The following FECH variants were observed in gnomAD, a reference collection of about 807,000 sequenced individuals.
FECH encodes the protein ferrochelatase, mitochondrial.
FECH carries 40 observed loss-of-function variants against 56.9 expected under a neutral mutation model. The observed-to-expected ratio is 0.70, with a 90% CI of 0.55 to 0.92. The LOEUF is 0.92. Ranked by LOEUF, FECH falls within the 40% of genes least tolerant of loss-of-function variation. FECH has a pLI of 0.00. For synonymous variants in FECH, 175 were observed against 198.6 expected, an observed-to-expected ratio of 0.88 and a Z score of 1.00; for missense variants, 431 against 529.1, an observed-to-expected ratio of 0.81 and a Z score of 1.82.
intron 6 of FECH, among the ~76,000 whole-genome samples, chr18:57,560,129 C>T (rs951535865): frequency 3.9e-5 from 6 of 152,092 alleles, no homozygotes; most frequent in Admixed American, 2.6e-4. Context: ...TAAATATTGA[C>T]GTTAAATTTA....
At chr18:57,586,417 T>G (rs2051374824) in intron 1 of FECH, 137 bp downstream of exon 1, 9 of 962,190 alleles carry the variant, frequency 9.4e-6, no homozygotes, top group Non-Finnish European at 1.3e-5. Flanking sequence ...GCGACGCCCC[T>G]CGCCCGGTTG....
Position 57,580,133 on chromosome 18 carries a change from A to G in FECH, c.134T>C (p.Val45Ala), listed in dbSNP as rs924050640. 3.3e-5 allele frequency: 54 copies of G among 1,613,984 alleles called. No homozygotes were observed. Among genetic ancestry groups the G allele is most frequent in the Non-Finnish European group, 4.6e-5 (54 of 1,180,032 alleles). The change falls in exon 2 of 11, where the codon GTC becomes GCC. Residue 45 changes from valine to alanine, a missense_variant. Val to Ala is a moderately conservative substitution (Grantham distance 64, BLOSUM62 0). Transcript: ENST00000262093. The stretch of plus-strand genomic sequence containing the variant: ...GGCATGCTGGGCTGTTTCTGTGGTG[A>G]CGGCCGCTGCAGCTGCACCTGACTT... ...RWKSGAAAAA[V>A]TTETAQHAQG...
intron 1 of FECH, 73 bp from the exon 2 acceptor site, chr18:57,580,272 T>C: frequency 8.3e-6 from 13 of 1,565,322 alleles, no homozygotes; most frequent in Non-Finnish European, 1.1e-5. Flanking sequence ...CCTCAGAGCA[T>C]AATTCCTGAC....
chr18:57,584,205 C>G (rs1036148433), intron 1 of FECH, among the ~76,000 whole-genome samples: 6 of 148,206 alleles, frequency 4.0e-5, no homozygotes, highest in African/African-American at 1.2e-4. Flanking sequence ...GAAAACAAAA[C>G]TTCATAACTC....
chr18:57,579,313 G>GTGTGTGTGTGTGTGTGTGTA (rs531089366), intron 2 of FECH, among the ~76,000 whole-genome samples: 21 of 143,846 alleles, frequency 1.5e-4, no homozygotes, highest in African/African-American at 4.7e-4. Context: ...GTGTGTGTGT[G>GTGTGTGTGTGTGTGTGTGTA]TATATATTCA....
rs572479217 is a variant in FECH, at chr18:57,570,997, A to G, written c.463+395T>C. Among the ~76,000 whole-genome samples the G allele has an allele frequency of 3.3e-5, 5 of 152,366 alleles. No individual in the cohort carries two copies. The East Asian group carries it at 9.6e-4, about 29-fold the overall frequency. On this transcript the variant is annotated intron_variant, in intron 4 of 10. Coordinates refer to ENST00000262093, the MANE Select transcript of FECH (RefSeq NM_000140.5). ...TAATACTGCTCTAAATATTCTAATC[A>G]GCTATCCAACCAGAAAGAAAAGGCA...
In FECH at chr18:57,554,320, A is replaced by T. The variant is rs766556166; in HGVS notation, c.1017T>A (p.Ser339Arg). Residue 339 changes from serine to arginine, a missense_variant, in exon 9 of 11, where the codon AGT (serine) becomes AGA (arginine). By Grantham distance (110) the Ser-to-Arg change is moderately radical (BLOSUM62 -1). Coordinates refer to ENST00000262093, the MANE Select transcript of FECH (RefSeq NM_000140.5). ...GCTCATACAGCGTTTCAATATGGTC[A>T]CTGGTAAATGCTATCGGAACCAAGA... ...NILLVPIAFTSDHIETLYELD... is the reference protein window; with the variant it reads ...NILLVPIAFTRDHIETLYELD... The T allele has an allele frequency of 1.2e-6, 2 of 1,614,110 alleles. No individual in the cohort carries two copies. Among genetic ancestry groups the T allele is most frequent in the Non-Finnish European group, 1.7e-6 (2 of 1,180,032 alleles).
At chr18:57,581,002 T>C (rs1443960577) in intron 1 of FECH, among the ~76,000 whole-genome samples, 1 of 152,096 alleles carries the variant, frequency 6.6e-6, no homozygotes, top group Non-Finnish European at 1.5e-5. Flanking sequence ...GAACTGGGCA[T>C]GAAGACCAGA....
chr18:57,571,997 C>A lies in FECH; in HGVS notation c.315-457G>T, dbSNP rs370096148. Among the ~76,000 whole-genome samples the A allele has an allele frequency of 4.6e-5, 7 of 152,234 alleles. No homozygotes were observed. The East Asian group carries it at 1.2e-3, about 25-fold the overall frequency. On this transcript the variant is annotated intron_variant, in intron 3 of 10. Coordinates refer to ENST00000262093, the MANE Select transcript of FECH (RefSeq NM_000140.5). ...ATGCACAAGAATGTTCACTGCAACACTGTAAACAAACTAATTGTCCACCAT... is the reference window on the plus strand; with the variant it reads ...ATGCACAAGAATGTTCACTGCAACAATGTAAACAAACTAATTGTCCACCAT...
At chr18:57,579,448 G>A (rs1023417390) in intron 2 of FECH, among the ~76,000 whole-genome samples, 8 of 151,890 alleles carry the variant, frequency 5.3e-5, no homozygotes, top group South Asian at 2.1e-4. Flanking sequence ...TACTCATCTC[G>A]ATAACTTCCC....
At chr18:57,569,703 AC>A (rs1263263450) in intron 4 of FECH, among the ~76,000 whole-genome samples, 1 of 151,742 alleles carries the variant, frequency 6.6e-6, no homozygotes, top group Non-Finnish European at 1.5e-5. Flanking sequence ...GGTGTGCCCC[AC>A]CCCCATGCTC....
At chr18:57,570,084 G>C (rs1317609584) in intron 4 of FECH, among the ~76,000 whole-genome samples, 1 of 147,476 alleles carries the variant, frequency 6.8e-6, no homozygotes, top group Non-Finnish European at 1.5e-5. Flanking sequence ...TGTGTAGACA[G>C]AGTTTCACCA....
chr18:57,560,339 T>C (rs967167737), intron 6 of FECH, among the ~76,000 whole-genome samples: 1 of 152,130 alleles, frequency 6.6e-6, no homozygotes, highest in African/African-American at 2.4e-5. Context: ...ATAAAGCAAG[T>C]GGGATATACA....
At chr18:57,579,977 C>T in intron 2 of FECH, 96 bp downstream of exon 2, 4 of 1,560,946 alleles carry the variant, frequency 2.6e-6, no homozygotes, top group Non-Finnish European at 3.5e-6. Flanking sequence ...TCCACACTGG[C>T]TTTTCCCAGC....
chr18:57,565,768 GT>G (rs2051008108), intron 5 of FECH, among the ~76,000 whole-genome samples: 1 of 152,206 alleles, frequency 6.6e-6, no homozygotes, highest in African/African-American at 2.4e-5. Context: ...GACTAAGAAT[GT>G]GCTGACTTCA....
intron 6 of FECH, among the ~76,000 whole-genome samples, chr18:57,561,533 C>T (rs773409784): frequency 2.6e-5 from 4 of 152,206 alleles, no homozygotes; most frequent in Non-Finnish European, 4.4e-5. Context: ...ATGAAAGAGG[C>T]ACCGAGCCTC....
chr18:57,564,002 C>A (rs1192754852), intron 5 of FECH, among the ~76,000 whole-genome samples: 3 of 152,238 alleles, frequency 2.0e-5, no homozygotes, highest in East Asian at 3.9e-4. Flanking sequence ...CCTCAGCCTC[C>A]CAAGTAGCTG....
intron 1 of FECH, among the ~76,000 whole-genome samples, chr18:57,586,217 A>G (rs1599021875): frequency 6.6e-6 from 1 of 152,104 alleles, no homozygotes; most frequent in African/African-American, 2.4e-5. Flanking sequence ...CCCATAACAT[A>G]CCTTCCCTCG....
chr18:57,568,038 G>T (rs2051041568), intron 4 of FECH, among the ~76,000 whole-genome samples: 1 of 152,166 alleles, frequency 6.6e-6, no homozygotes, highest in Admixed American at 6.5e-5. Flanking sequence ...ATTGTTCAAA[G>T]ATTATGTGCT....
Sources: gnomAD v4.1 joint callset for allele counts (sites outside exome capture counted in the v4.1 genomes callset) on GRCh38, gnomAD v4.1.1 for gene constraint, MANE v1.5 for transcripts, NCBI Gene and HGNC (gene_info 2026-07-23, HGNC 2026-07-21) for gene names.